The following ZNF532 variants were observed in gnomAD, a reference collection of about 807,000 sequenced individuals.
The protein encoded by ZNF532 is zinc finger protein 532.
ZNF532 carries 22 observed loss-of-function variants against 89.3 expected under a neutral mutation model. The observed-to-expected ratio is 0.25, with a 90% CI of 0.18 to 0.35. ZNF532 has a LOEUF of 0.35. Among genes scored for constraint, ZNF532 ranks in the 10% least tolerant of loss-of-function variants. The pLI, the probability that ZNF532 is intolerant of heterozygous loss-of-function variation, is 1.00. For synonymous variants in ZNF532, 606 were observed against 649.6 expected, an observed-to-expected ratio of 0.93 and a Z score of 1.02; for missense variants, 1,132 against 1,643.4, an observed-to-expected ratio of 0.69 and a Z score of 5.38.
At chr18:58,926,625 G>A (rs574727124) in intron 3 of ZNF532, among the ~76,000 whole-genome samples, 37 of 152,350 alleles carry the variant, frequency 2.4e-4, no homozygotes, top group African/African-American at 8.7e-4. Flanking sequence ...TGGGATTATA[G>A]GCGTGAGCCA....
Position 58,979,123 on chromosome 18 carries a change from C to T in ZNF532, c.3219C>T (p.His1073=). 1 of 1,613,430 alleles carries T rather than the reference C, an allele frequency of 6.2e-7. No homozygotes were observed. Among genetic ancestry groups the T allele is most frequent in the Non-Finnish European group, 8.5e-7 (1 of 1,179,432 alleles). ...GCTCGTCCCACAGCCTGTGCCGGCA[C>T]AACCGGATCAAGCACAAAGGCATCA... ...SFSSSHSLCR[H]NRIKHKGIRK... is the part of the protein sequence containing the mutation. Residue 1073 remains histidine (H), a synonymous_variant, in exon 8 of 10, where the codon CAC becomes CAT. Transcript: ENST00000591808.
chr18:58,981,447 T>C, intron 8 of ZNF532, 23 bp from the exon 9 acceptor site: 2 of 1,604,874 alleles, frequency 1.2e-6, no homozygotes, highest in Non-Finnish European at 1.7e-6. Context: ...AAGTGCGTTA[T>C]CTCCTTGCCT....
intron 3 of ZNF532, among the ~76,000 whole-genome samples, chr18:58,924,824 T>C (rs1402574676): frequency 6.6e-6 from 1 of 152,110 alleles, no homozygotes; most frequent in Non-Finnish European, 1.5e-5. Context: ...CACTAAGCTG[T>C]TTTTCATTTC....
At chr18:58,932,843 CACAT>C (rs2062070395) in intron 3 of ZNF532, among the ~76,000 whole-genome samples, 1 of 152,026 alleles carries the variant, frequency 6.6e-6, no homozygotes, top group South Asian at 2.1e-4. Context: ...TATATACACA[CACAT>C]GCATGTACGT....
At chr18:58,976,252 G>C (rs1317778666) in intron 7 of ZNF532, among the ~76,000 whole-genome samples, 1 of 152,166 alleles carries the variant, frequency 6.6e-6, no homozygotes, top group Non-Finnish European at 1.5e-5. Flanking sequence ...TGCTGAAACA[G>C]AAGGATGTCT....
In ZNF532 at chr18:58,956,138, T is replaced by C. The variant is rs993676571; in HGVS notation, c.3150+2339T>C. On this transcript the variant is annotated intron_variant, in intron 7 of 9. Transcript: ENST00000591808. ...AGAGGAGGAGATGGTTTCAAAAAGGTTGGTGGGATGAAATGTACCACTGAT... is the reference window on the plus strand; with the variant it reads ...AGAGGAGGAGATGGTTTCAAAAAGGCTGGTGGGATGAAATGTACCACTGAT... 1.2e-4 allele frequency among the ~76,000 whole-genome samples: 18 copies of C among 152,226 alleles called. 1 individual carries two copies. Among genetic ancestry groups the C allele is most frequent in the Admixed American group, 1.0e-3 (16 of 15,288 alleles).
rs1379689173 is a variant in ZNF532, at chr18:58,964,531, TTGTTTGTGTG to T, written c.3150+10736_3150+10745del. 6.6e-5 allele frequency among the ~76,000 whole-genome samples: 9 copies of T among 137,036 alleles called. No individual in the cohort carries two copies. In the East Asian group the frequency reaches 1.5e-3, roughly 22 times the overall value. 89.9% of individuals were successfully genotyped at this position (137,036 alleles called of 152,430 possible). A position where few individuals can be genotyped will look rare whatever the true frequency, so the allele number is the denominator to read the frequency against. On this transcript the variant is annotated intron_variant, in intron 7 of 9. Transcript: ENST00000591808. ...AGTTTTGGCCACTGGAATTGATATT[TTGTTTGTGTG>T]TGTGTGTGTGTGTGTGTGTGTGTGT...
intron 3 of ZNF532, among the ~76,000 whole-genome samples, chr18:58,927,448 A>AT (rs1030925873): frequency 1.4e-4 from 21 of 148,790 alleles, no homozygotes; most frequent in South Asian, 1.1e-3. Flanking sequence ...TTTCTTGGGA[A>AT]TTTTTTTTTG....
At chr18:58,883,207 T>G (rs1404827861) in intron 2 of ZNF532, among the ~76,000 whole-genome samples, 5 of 152,242 alleles carry the variant, frequency 3.3e-5, no homozygotes, top group Admixed American at 3.3e-4. Context: ...CTGTTTTCTG[T>G]TTACTCCAGG....
chr18:58,963,602 A>AGTGT (rs1568433987), intron 7 of ZNF532, among the ~76,000 whole-genome samples: 1 of 125,004 alleles, frequency 8.0e-6, no homozygotes, highest in South Asian at 3.0e-4. Flanking sequence ...AAAAGAAAAA[A>AGTGT]ATGTGTGTGT....
At chr18:58,896,127 A>T (rs915185536) in intron 2 of ZNF532, among the ~76,000 whole-genome samples, 15 of 152,280 alleles carry the variant, frequency 9.9e-5, no homozygotes, top group Admixed American at 1.3e-4. Flanking sequence ...TGTTGAAATT[A>T]TGGGCGTCAC....
intron 2 of ZNF532, among the ~76,000 whole-genome samples, chr18:58,876,552 C>T (rs1287707438): frequency 6.6e-6 from 1 of 152,178 alleles, no homozygotes; most frequent in Non-Finnish European, 1.5e-5. Context: ...GGCATGAATG[C>T]TAATTTCTGA....
At position 58,874,425 on chromosome 18, in the gene ZNF532, A is replaced by T. The variant is rs944775699; in HGVS notation, c.-18+8846A>T. Among the ~76,000 whole-genome samples the T allele has an allele frequency of 5.3e-4, 81 of 152,004 alleles. 4 individuals carry two copies. The highest frequency in any genetic ancestry group is 7.4e-5 in the Non-Finnish European group (5 of 68,014). On this transcript the variant is annotated intron_variant, in intron 2 of 9. Transcript: ENST00000591808. ...AATGGCGCGATCTCGCCTCATCGCAACCCCTGCCTCCCAGGTTCAAGCGAT... is the reference window on the plus strand; with the variant it reads ...AATGGCGCGATCTCGCCTCATCGCATCCCCTGCCTCCCAGGTTCAAGCGAT...
chr18:58,888,787 A>AATTAT (rs1568246610), intron 2 of ZNF532, among the ~76,000 whole-genome samples: 1 of 8,158 alleles, frequency 1.2e-4, no homozygotes, highest in Non-Finnish European at 2.4e-4. Flanking sequence ...ATATATATAA[A>AATTAT]ATATATATAA....
At chr18:58,889,948 G>T (rs572924989) in intron 2 of ZNF532, among the ~76,000 whole-genome samples, 1 of 151,328 alleles carries the variant, frequency 6.6e-6, no homozygotes, top group African/African-American at 2.4e-5. Flanking sequence ...AGGTGTGGTG[G>T]CATGCACCTG....
chr18:58,913,051 A>G (rs955261285), intron 2 of ZNF532, among the ~76,000 whole-genome samples: 4 of 152,216 alleles, frequency 2.6e-5, no homozygotes, highest in Admixed American at 2.6e-4. Context: ...GCAGTGAGAA[A>G]ATAGGTTTCC....
intron 7 of ZNF532, among the ~76,000 whole-genome samples, chr18:58,978,215 C>T (rs2067280210): frequency 6.6e-6 from 1 of 152,184 alleles, no homozygotes; most frequent in Admixed American, 6.5e-5. Flanking sequence ...AGTATACCAG[C>T]AGGCAGCCTC....
chr18:58,928,332 C>T (rs2061690008), intron 3 of ZNF532, among the ~76,000 whole-genome samples: 2 of 152,172 alleles, frequency 1.3e-5, no homozygotes, highest in Non-Finnish European at 1.5e-5. Context: ...TGCTGCTGCC[C>T]CTCCAAGTGT....
intron 2 of ZNF532, among the ~76,000 whole-genome samples, chr18:58,916,426 A>G (rs1408606962): frequency 2.0e-5 from 3 of 152,106 alleles, no homozygotes; most frequent in Admixed American, 6.6e-5. Context: ...AGAGATGTTA[A>G]TGTTTTATTT....
Sources: gnomAD v4.1 joint callset for allele counts (sites outside exome capture counted in the v4.1 genomes callset) on GRCh38, gnomAD v4.1.1 for gene constraint, MANE v1.5 for transcripts, NCBI Gene and HGNC (gene_info 2026-07-23, HGNC 2026-07-21) for gene names.